The following SERGEF variants were observed in gnomAD, a reference collection of about 807,000 sequenced individuals.
SERGEF encodes secretion regulating guanine nucleotide exchange factor.
A neutral mutation model predicts 50.0 loss-of-function variants in SERGEF; 51 were observed. The observed-to-expected ratio is 1.02, with a 90% CI of 0.81 to 1.29. The LOEUF is 1.29. Ranked by LOEUF, SERGEF falls within the 50% of genes most tolerant of loss-of-function variation. The pLI, the probability that SERGEF is intolerant of heterozygous loss-of-function variation, is 0.00. For missense variants in SERGEF, 521 were observed against 557.0 expected (o/e 0.94, Z 0.65); for synonymous variants, 205 against 212.4 (o/e 0.97, Z 0.30).
At chr11:17,847,097 C>G (rs1474788082) in intron 10 of SERGEF, among the ~76,000 whole-genome samples, 1 of 152,238 alleles carries the variant, frequency 6.6e-6, no homozygotes, top group Admixed American at 6.5e-5. Context: ...TCAGGCAGCA[C>G]CGCTGCAGCC....
intron 9 of SERGEF, among the ~76,000 whole-genome samples, chr11:17,942,023 T>C (rs911657056): frequency 8.6e-5 from 13 of 151,964 alleles, no homozygotes; most frequent in Non-Finnish European, 1.8e-4. Context: ...TTATAGCAAA[T>C]TTGAAGTCGG....
chr11:18,003,217 G>A (rs377421561), intron 4 of SERGEF, among the ~76,000 whole-genome samples: 5 of 152,190 alleles, frequency 3.3e-5, no homozygotes, highest in East Asian at 1.9e-4. Context: ...AAATTAGATC[G>A]GAGTGGGACA....
At chr11:18,005,487 TA>T (rs1854054774) in intron 3 of SERGEF, among the ~76,000 whole-genome samples, 1 of 152,028 alleles carries the variant, frequency 6.6e-6, no homozygotes, top group African/African-American at 2.4e-5. Context: ...AGCACAAAGA[TA>T]GCTAGGGAAC....
At chr11:17,985,495 T>C (rs1475030782) in intron 8 of SERGEF, among the ~76,000 whole-genome samples, 4 of 152,166 alleles carry the variant, frequency 2.6e-5, no homozygotes, top group Non-Finnish European at 5.9e-5. Flanking sequence ...TGCAGGTCAC[T>C]GAGCCTGGAT....
intron 7 of SERGEF, among the ~76,000 whole-genome samples, chr11:17,990,693 G>A (rs553989711): frequency 2.6e-5 from 4 of 152,132 alleles, no homozygotes; most frequent in East Asian, 1.9e-4. Context: ...AACCACTCCA[G>A]AGAAAGTGTC....
chr11:17,896,019 C>T (rs1851614297), intron 9 of SERGEF, among the ~76,000 whole-genome samples: 1 of 152,134 alleles, frequency 6.6e-6, no homozygotes, highest in East Asian at 1.9e-4. Context: ...CTTTCAATAA[C>T]TTGTCATTAT....
intron 9 of SERGEF, among the ~76,000 whole-genome samples, chr11:17,900,969 A>G (rs1565199276): frequency 6.6e-6 from 1 of 152,160 alleles, no homozygotes; most frequent in Non-Finnish European, 1.5e-5. Context: ...GAAATAGGCA[A>G]TTCACCTGCA....
At position 17,916,449 on chromosome 11, in the gene SERGEF, T is replaced by C. The variant is rs78317850; in HGVS notation, c.1012-38205A>G. On this transcript the variant is annotated intron_variant, in intron 9 of 10. Coordinates refer to ENST00000265965, the MANE Select transcript of SERGEF (RefSeq NM_012139.4). Reference sequence around the variant, plus strand: ...TAACTGCAGCAGAGATTTCTAGCTTTATCTGAGCTTATAAATTACCTGGAG... The same window carrying C: ...TAACTGCAGCAGAGATTTCTAGCTTCATCTGAGCTTATAAATTACCTGGAG... Among the ~76,000 whole-genome samples the C allele has an allele frequency of 8.1e-3, 1,241 of 152,340 alleles. 14 individuals carry two copies. Among genetic ancestry groups the C allele is most frequent in the African/African-American group, 0.029 (1,191 of 41,578 alleles).
intron 6 of SERGEF, among the ~76,000 whole-genome samples, chr11:17,994,840 T>C (rs1392653864): frequency 6.6e-6 from 1 of 151,960 alleles, no homozygotes; most frequent in East Asian, 1.9e-4. Context: ...CAACACCCAA[T>C]TACATCACTC....
chr11:17,851,297 T>C (rs1309758165), intron 10 of SERGEF, among the ~76,000 whole-genome samples: 1 of 152,166 alleles, frequency 6.6e-6, no homozygotes. Context: ...GTTACAGAGT[T>C]AGGATTCAAA....
At chr11:17,807,709 G>A (rs1263002920) in intron 10 of SERGEF, among the ~76,000 whole-genome samples, 2 of 152,216 alleles carry the variant, frequency 1.3e-5, no homozygotes, top group Non-Finnish European at 2.9e-5. Flanking sequence ...TACAGGCAAT[G>A]AGTGTCAGCC....
intron 9 of SERGEF, among the ~76,000 whole-genome samples, chr11:17,911,339 T>A (rs1209674848): frequency 1.4e-5 from 2 of 145,808 alleles, no homozygotes. Context: ...ATATATATAT[T>A]ATATATAATA....
At chr11:17,989,114 T>C (rs1248189942) in intron 7 of SERGEF, among the ~76,000 whole-genome samples, 3 of 152,178 alleles carry the variant, frequency 2.0e-5, no homozygotes, top group African/African-American at 7.2e-5. Flanking sequence ...ACCTTTTGTA[T>C]GAAAAAAATG....
chr11:17,902,090 T>C (rs935785328), intron 9 of SERGEF, among the ~76,000 whole-genome samples: 2 of 152,234 alleles, frequency 1.3e-5, no homozygotes, highest in African/African-American at 2.4e-5. Context: ...AAAGGTTGCA[T>C]GCTTTATAGT....
chr11:17,933,521 A>G (rs1038494551), intron 9 of SERGEF, among the ~76,000 whole-genome samples: 2 of 152,150 alleles, frequency 1.3e-5, no homozygotes, highest in African/African-American at 4.8e-5. Context: ...AAGTCACTCC[A>G]TCTATCTGGG....
intron 9 of SERGEF, among the ~76,000 whole-genome samples, chr11:17,948,472 T>C (rs1044845437): frequency 3.9e-5 from 6 of 152,190 alleles, no homozygotes; most frequent in Non-Finnish European, 7.4e-5. Flanking sequence ...TCAAATGATA[T>C]GCATGCTCCC....
chr11:17,873,874 G>T (rs565182300), intron 10 of SERGEF, among the ~76,000 whole-genome samples: 1 of 152,314 alleles, frequency 6.6e-6, no homozygotes, highest in Admixed American at 6.5e-5. Flanking sequence ...CTGCACATCA[G>T]GAAGAAGGCA....
chr11:17,906,228 A>G (rs1038250821), intron 9 of SERGEF, among the ~76,000 whole-genome samples: 2 of 152,140 alleles, frequency 1.3e-5, no homozygotes, highest in Non-Finnish European at 1.5e-5. Flanking sequence ...GCAAACTGAA[A>G]CATTACCAAC....
In SERGEF at chr11:17,908,699, G is replaced by A. The variant is rs950817808; in HGVS notation, c.1012-30455C>T. ...TGAGTGAGTAAATAAATAAATGCAC[G>A]TGGGAAACCAAGCCTACCTGATAGA... On this transcript the variant is annotated intron_variant, in intron 9 of 10. Coordinates refer to ENST00000265965, the MANE Select transcript of SERGEF (RefSeq NM_012139.4). Among the ~76,000 whole-genome samples, 5 of 152,294 alleles carry A rather than the reference G, an allele frequency of 3.3e-5. No individual in the cohort carries two copies. The South Asian group carries it at 6.2e-4, about 19-fold the overall frequency.
Sources: allele counts gnomAD v4.1 joint callset (sites outside exome capture counted in the v4.1 genomes callset), GRCh38; gene constraint gnomAD v4.1.1; transcripts MANE v1.5; gene names NCBI Gene and HGNC (gene_info 2026-07-23, HGNC 2026-07-21).